The following AGMO variants were observed in gnomAD, a reference collection of about 807,000 sequenced individuals.
AGMO encodes alkylglycerol monooxygenase.
In AGMO, 75 loss-of-function variants were observed where a neutral mutation model predicts 60.2. The observed-to-expected ratio is 1.25, with a 90% confidence interval of 1.03 to 1.51. AGMO has a LOEUF of 1.51. Ranked by LOEUF, AGMO falls within the 40% of genes most tolerant of loss-of-function variation. The pLI, the probability that AGMO is intolerant of heterozygous loss-of-function variation, is 0.00. For missense variants in AGMO, 763 were observed against 525.5 expected (o/e 1.45, Z -4.42); for synonymous variants, 261 against 177.1 (o/e 1.47, Z -3.76).
intron 12 of AGMO, among the ~76,000 whole-genome samples, chr7:15,261,294 G>A (rs1038412878): frequency 1.3e-5 from 2 of 151,942 alleles, no homozygotes; most frequent in African/African-American, 4.8e-5. Flanking sequence ...ATCCAAATAA[G>A]CTCAATTAGA....
intron 12 of AGMO, among the ~76,000 whole-genome samples, chr7:15,299,038 G>T (rs541694085): frequency 1.1e-4 from 17 of 152,010 alleles, no homozygotes; most frequent in Non-Finnish European, 2.5e-4. Context: ...CAGCTCAAGT[G>T]TTACCTCTTT....
intron 12 of AGMO, among the ~76,000 whole-genome samples, chr7:15,229,265 C>T (rs1782180161): frequency 6.6e-6 from 1 of 151,876 alleles, no homozygotes; most frequent in African/African-American, 2.4e-5. Flanking sequence ...TGTCTATAAC[C>T]AGAGGGAGTA....
chr7:15,423,688 C>G (rs755950158), intron 4 of AGMO, among the ~76,000 whole-genome samples: 2 of 152,128 alleles, frequency 1.3e-5, no homozygotes, highest in African/African-American at 2.4e-5. Flanking sequence ...AAAATTTAGA[C>G]ACGGAGATAG....
At chr7:15,161,337 C>T in the AGMO span, among the ~76,000 whole-genome samples, 2 of 152,076 alleles carry the variant, frequency 1.3e-5, no homozygotes, top group African/African-American at 4.8e-5. Context: ...CAAATTCTGC[C>T]TGCAGATGGC....
In AGMO at chr7:15,258,535, C is replaced by A. The variant is rs6960568; in HGVS notation, c.1264-57176G>T. Among the ~76,000 whole-genome samples the A allele has an allele frequency of 4.4e-4, 67 of 151,112 alleles. 2 individuals are homozygous for A. The highest frequency in any genetic ancestry group is 9.2e-4 in the Admixed American group (14 of 15,152). On this transcript the variant is annotated intron_variant, in intron 12 of 12. Coordinates refer to ENST00000342526, the MANE Select transcript of AGMO (RefSeq NM_001004320.2). ...ACTCCAATCCAGCCTGGCAACAGAG[C>A]AAGACTCTTTCTCAAAAAAAAATAA...
rs28547943 is a variant in AGMO at position 15,404,928 on chromosome 7, T to A, written c.610-10749A>T. 4.6e-4 allele frequency among the ~76,000 whole-genome samples: 70 copies of A among 151,930 alleles called. No homozygotes were observed. In the East Asian group the frequency reaches 0.013, roughly 28 times the overall value. On this transcript the variant is annotated intron_variant, in intron 5 of 12. Coordinates refer to ENST00000342526, the MANE Select transcript of AGMO (RefSeq NM_001004320.2). ...TGTTAGATCGCTTTGTCATCCATTA[T>A]AAACTTTTATCTGTTAAAAAATATT...
chr7:15,556,147 T>G (rs1183219147), intron 2 of AGMO, among the ~76,000 whole-genome samples: 1 of 151,636 alleles, frequency 6.6e-6, no homozygotes, highest in Non-Finnish European at 1.5e-5. Flanking sequence ...CAGTATACAA[T>G]TTTTCTTTAT....
the AGMO span, among the ~76,000 whole-genome samples, chr7:15,150,714 T>C: frequency 6.6e-6 from 1 of 152,154 alleles, no homozygotes; most frequent in Non-Finnish European, 1.5e-5. Context: ...TACTATTTTA[T>C]TGAGGATTTT....
At chr7:15,416,214 A>G (rs571775783) in intron 5 of AGMO, among the ~76,000 whole-genome samples, 12 of 151,898 alleles carry the variant, frequency 7.9e-5, no homozygotes, top group Admixed American at 7.9e-4. Flanking sequence ...TTGTATTTTT[A>G]GTAGAAATGA....
intron 12 of AGMO, among the ~76,000 whole-genome samples, chr7:15,280,908 C>G (rs1783946390): frequency 1.3e-5 from 2 of 152,204 alleles, no homozygotes; most frequent in Admixed American, 1.3e-4. Flanking sequence ...CTACATCACT[C>G]TCCTGCCCGT....
chr7:15,277,300 G>A (rs62450282), intron 12 of AGMO, among the ~76,000 whole-genome samples: 24,638 of 149,936 alleles, frequency 0.16, 2,224 homozygotes, highest in South Asian at 0.31. Flanking sequence ...GCAAGACTCT[G>A]TCTCAAAAAA....
rs1160073633 is a variant in AGMO at position 15,230,156 on chromosome 7, A to T, written c.1264-28797T>A. 6.6e-5 allele frequency among the ~76,000 whole-genome samples: 10 copies of T among 152,268 alleles called. No individual in the cohort carries two copies. In the South Asian group the frequency reaches 2.1e-3, roughly 32 times the overall value. On this transcript the variant is annotated intron_variant, in intron 12 of 12. Transcript: ENST00000342526. The stretch of plus-strand genomic sequence containing the variant: ...CAAAGGAAAAGAAAAGAGGAGGAGG[A>T]AAATAAGAAGAAACAGTAATACCAG...
the AGMO span, among the ~76,000 whole-genome samples, chr7:15,187,899 T>TA: frequency 1.3e-5 from 2 of 151,068 alleles, no homozygotes; most frequent in African/African-American, 4.9e-5. Context: ...AAGGATTAAC[T>TA]CCCCCCCGAC....
intron 12 of AGMO, among the ~76,000 whole-genome samples, chr7:15,231,148 C>T (rs959687327): frequency 3.3e-5 from 5 of 152,236 alleles, no homozygotes; most frequent in South Asian, 4.1e-4. Context: ...TAGACTGCCA[C>T]CACTCCCCTG....
chr7:15,383,997 G>T (rs1425000859), intron 10 of AGMO, among the ~76,000 whole-genome samples: 1 of 151,796 alleles, frequency 6.6e-6, no homozygotes, highest in Non-Finnish European at 1.5e-5. Flanking sequence ...GTGCAGTGGC[G>T]CGATCTCGGC....
chr7:15,299,830 TACACACACACACACACAC>T (rs756832586), intron 12 of AGMO, among the ~76,000 whole-genome samples: 3,272 of 48,112 alleles, frequency 0.068, 63 homozygotes, highest in Admixed American at 0.088. Flanking sequence ...TCTGTCTACA[TACACACACACACACACAC>T]ACACACACAC....
At chr7:15,123,909 C>T in the AGMO span, among the ~76,000 whole-genome samples, 1 of 152,050 alleles carries the variant, frequency 6.6e-6, no homozygotes, top group Non-Finnish European at 1.5e-5. Flanking sequence ...TTTGCTGGGA[C>T]AGGTTTCTTA....
At chr7:15,403,421 G>A (rs1431464075) in intron 5 of AGMO, among the ~76,000 whole-genome samples, 1 of 151,878 alleles carries the variant, frequency 6.6e-6, no homozygotes, top group East Asian at 1.9e-4. Flanking sequence ...AGGTACTGCA[G>A]TAAGATCTTT....
chr7:15,341,653 G>C (rs572307548), intron 12 of AGMO, among the ~76,000 whole-genome samples: 2 of 152,128 alleles, frequency 1.3e-5, no homozygotes, highest in East Asian at 3.9e-4. Context: ...CCACTACCCA[G>C]TACCAATTTA....
Sources: gnomAD v4.1 joint callset for allele counts (sites outside exome capture counted in the v4.1 genomes callset) on GRCh38, gnomAD v4.1.1 for gene constraint, MANE v1.5 for transcripts, NCBI Gene and HGNC (gene_info 2026-07-23, HGNC 2026-07-21) for gene names.